The following SCFD2 variants were observed in gnomAD, a reference collection of about 807,000 sequenced individuals.
The protein encoded by SCFD2 is sec1 family domain containing 2.
SCFD2 carries 54 observed loss-of-function variants against 58.9 expected under a neutral mutation model. The ratio of observed to expected loss-of-function variants is 0.92; its 90% confidence interval spans 0.74 to 1.15. The LOEUF (loss-of-function observed/expected upper bound fraction) is 1.15, where lower values mean the gene tolerates loss of function less well. SCFD2 is among the 50% of genes most tolerant of loss of function. The pLI, the probability that SCFD2 is intolerant of heterozygous loss-of-function variation, is 0.00. For missense variants in SCFD2, 805 were observed against 836.6 expected, an observed-to-expected ratio of 0.96 and a Z score of 0.47; for synonymous variants, 321 against 335.9, an observed-to-expected ratio of 0.96 and a Z score of 0.49.
chr4:52,986,491 A>ATTTTTTTTTTT (rs369944739), intron 5 of SCFD2, among the ~76,000 whole-genome samples: 1 of 84,924 alleles, frequency 1.2e-5, no homozygotes. Flanking sequence ...TCTTCATGAA[A>ATTTTTTTTTTT]TTTTTTTTTT....
At chr4:52,991,921 G>C (rs10002744) in intron 5 of SCFD2, among the ~76,000 whole-genome samples, 68,981 of 151,956 alleles carry the variant, frequency 0.45, 15,957 homozygotes, top group African/African-American at 0.48. Flanking sequence ...TGTCTTTATA[G>C]TGGATACATT....
chr4:52,889,385 G>T (rs1718828349), intron 7 of SCFD2, among the ~76,000 whole-genome samples: 1 of 152,152 alleles, frequency 6.6e-6, no homozygotes, highest in African/African-American at 2.4e-5. Flanking sequence ...CACAGTAATG[G>T]ATCCAGGAGC....
intron 4 of SCFD2, among the ~76,000 whole-genome samples, chr4:53,270,440 G>C (rs1233442203): frequency 2.6e-5 from 4 of 152,100 alleles, no homozygotes; most frequent in Admixed American, 6.6e-5. Context: ...TTTCCTTCAA[G>C]TCAGGAATAA....
chr4:53,087,612 C>T (rs1195651261), intron 5 of SCFD2, among the ~76,000 whole-genome samples: 4 of 151,080 alleles, frequency 2.6e-5, no homozygotes, highest in East Asian at 1.9e-4. Context: ...GGATTACAGG[C>T]GTGAGCCACT....
chr4:52,882,865 C>T (rs1316553922), intron 8 of SCFD2, among the ~76,000 whole-genome samples: 1 of 152,188 alleles, frequency 6.6e-6, no homozygotes, highest in Non-Finnish European at 1.5e-5. Flanking sequence ...AATACACCCT[C>T]CAAGCCTCAA....
chr4:53,247,378 C>A (rs1167937997), intron 4 of SCFD2, among the ~76,000 whole-genome samples: 1 of 152,120 alleles, frequency 6.6e-6, no homozygotes, highest in African/African-American at 2.4e-5. Flanking sequence ...ACCTAGGAAT[C>A]CCATTACTAG....
chr4:53,211,121 T>C (rs1728595894), intron 4 of SCFD2, among the ~76,000 whole-genome samples: 4 of 151,982 alleles, frequency 2.6e-5, no homozygotes, highest in South Asian at 4.2e-4. Flanking sequence ...CACGCACCTG[T>C]AGTCCCAGCT....
intron 5 of SCFD2, among the ~76,000 whole-genome samples, chr4:52,928,630 G>C (rs1203579428): frequency 6.6e-6 from 1 of 152,154 alleles, no homozygotes; most frequent in African/African-American, 2.4e-5. Flanking sequence ...TCCCATGACT[G>C]TTGGTGCACT....
At chr4:53,306,913 T>C (rs569566289) in intron 3 of SCFD2, among the ~76,000 whole-genome samples, 9 of 152,144 alleles carry the variant, frequency 5.9e-5, no homozygotes, top group African/African-American at 1.9e-4. Flanking sequence ...AATGAGTGTA[T>C]TGGAAGATGA....
At chr4:53,055,523 G>A (rs1189868435) in intron 5 of SCFD2, among the ~76,000 whole-genome samples, 6 of 152,136 alleles carry the variant, frequency 3.9e-5, no homozygotes, top group Admixed American at 6.5e-5. Flanking sequence ...ATGAAGCTGT[G>A]TGGTGATTTC....
chr4:52,984,266 T>A (rs1721440884), intron 5 of SCFD2, among the ~76,000 whole-genome samples: 1 of 152,214 alleles, frequency 6.6e-6, no homozygotes, highest in Non-Finnish European at 1.5e-5. Flanking sequence ...AGGGTTGAAG[T>A]TGAACATTTA....
chr4:53,195,854 A>G (rs531196883), intron 4 of SCFD2, among the ~76,000 whole-genome samples: 57 of 152,314 alleles, frequency 3.7e-4, no homozygotes, highest in South Asian at 8.3e-4. Flanking sequence ...ATAAAACCAG[A>G]TGAGAGAAAA....
chr4:52,942,910 T>A (rs961275075), intron 5 of SCFD2, among the ~76,000 whole-genome samples: 1 of 150,966 alleles, frequency 6.6e-6, no homozygotes, highest in Non-Finnish European at 1.5e-5. Context: ...TAGCTAAGGA[T>A]ATGACCTATA....
intron 4 of SCFD2, among the ~76,000 whole-genome samples, chr4:53,266,235 C>T (rs1412774144): frequency 2.6e-5 from 4 of 152,004 alleles, no homozygotes; most frequent in Non-Finnish European, 4.4e-5. Flanking sequence ...TTTAGGAAAC[C>T]AAAATCCAGG....
chr4:53,327,974 CA>C (rs765928561), intron 2 of SCFD2, among the ~76,000 whole-genome samples: 2 of 151,110 alleles, frequency 1.3e-5, no homozygotes, highest in South Asian at 2.1e-4. Flanking sequence ...ACTAAAAATA[CA>C]AAAAAAAGAA....
chr4:53,050,923 G>A (rs1723173000), intron 5 of SCFD2, among the ~76,000 whole-genome samples: 1 of 152,104 alleles, frequency 6.6e-6, no homozygotes, highest in Non-Finnish European at 1.5e-5. Context: ...TGGAAGCTTA[G>A]GGAGACCTTC....
At chr4:53,217,909 T>C (rs1467966435) in intron 4 of SCFD2, among the ~76,000 whole-genome samples, 1 of 152,184 alleles carries the variant, frequency 6.6e-6, no homozygotes, top group African/African-American at 2.4e-5. Context: ...TGAAGCTTAG[T>C]TTGGCTGGAT....
intron 4 of SCFD2, among the ~76,000 whole-genome samples, chr4:53,150,138 C>A (rs1400572148): frequency 6.6e-6 from 1 of 151,978 alleles, no homozygotes; most frequent in East Asian, 1.9e-4. Flanking sequence ...ATCTTGGGAA[C>A]TTTTCTGTAC....
intron 3 of SCFD2, 31 bp from the exon 4 acceptor site, chr4:53,274,032 C>T: frequency 2.5e-6 from 4 of 1,570,210 alleles, no homozygotes; most frequent in African/African-American, 1.4e-5. Context: ...CAGTGTACCC[C>T]CTTCTGGGAA....
Sources: gnomAD v4.1 joint callset for allele counts (sites outside exome capture counted in the v4.1 genomes callset) on GRCh38, gnomAD v4.1.1 for gene constraint, MANE v1.5 for transcripts, NCBI Gene and HGNC (gene_info 2026-07-23, HGNC 2026-07-21) for gene names.